DHRSX: variants seen among roughly 807,000 people sequenced by gnomAD.
DHRSX encodes polyprenol dehydrogenase.
A neutral mutation model predicts 34.0 loss-of-function variants in DHRSX; 31 were observed. The ratio of observed to expected loss-of-function variants is 0.91; its 90% CI spans 0.69 to 1.23. DHRSX has a LOEUF of 1.23. Ranked by LOEUF, DHRSX falls within the 50% of genes most tolerant of loss-of-function variation. The probability of loss-of-function intolerance (pLI) is 0.00; values close to 1 mark genes in which losing one functional copy is unlikely to be tolerated. For missense variants in DHRSX, 414 were observed against 428.1 expected (o/e 0.97, Z 0.29); for synonymous variants, 201 against 183.8 (o/e 1.09, Z -0.76).
At chrX:2,410,284 AG>A (rs1319207925) in intron 2 of DHRSX, among the ~76,000 whole-genome samples, 1 of 152,022 alleles carries the variant, frequency 6.6e-6, no homozygotes, top group Non-Finnish European at 1.5e-5. Context: ...CCTTTCAGGG[AG>A]GGTCACGGAA....
At chrX:2,421,035 A>G (rs1195291055) in intron 2 of DHRSX, among the ~76,000 whole-genome samples, 1 of 152,164 alleles carries the variant, frequency 6.6e-6, no homozygotes, top group Non-Finnish European at 1.5e-5. Flanking sequence ...CCTGAAGTGC[A>G]TCAGAGAAAG....
At chrX:2,489,157 G>A in intron 1 of DHRSX, 1 of 1,613,646 alleles carries the variant, frequency 6.2e-7, no homozygotes, top group South Asian at 1.1e-5. Flanking sequence ...CGGGCACCGG[G>A]AAGATCTTGT....
At chrX:2,254,259 A>T (rs2041245510) in intron 5 of DHRSX, among the ~76,000 whole-genome samples, 1 of 152,186 alleles carries the variant, frequency 6.6e-6, no homozygotes, top group African/African-American at 2.4e-5. Flanking sequence ...CTGAGTTTTT[A>T]TGTTAACTTC....
intron 3 of DHRSX, among the ~76,000 whole-genome samples, chrX:2,341,077 C>T (rs1399231890): frequency 2.6e-5 from 4 of 152,020 alleles, no homozygotes; most frequent in Non-Finnish European, 5.9e-5. Context: ...CTCCAGTTTG[C>T]GATCCTGGGA....
chrX:2,284,404 T>TTGAATGAATGAATGAA (rs750399883), intron 4 of DHRSX, among the ~76,000 whole-genome samples: 1 of 151,182 alleles, frequency 6.6e-6, no homozygotes, highest in East Asian at 1.9e-4. Context: ...ATGAATGAAT[T>TTGAATGAATGAATGAA]TGAATGAATG....
Position 2,243,034 on chromosome X carries a change from AC to A in DHRSX, c.792del (p.Trp264CysfsTer59), listed in dbSNP as rs2016177020. The A allele has an allele frequency of 2.5e-6, 4 of 1,613,338 alleles. No individual in the cohort carries two copies. Among genetic ancestry groups the A allele is most frequent in the East Asian group, 2.2e-5 (1 of 44,884 alleles). On this transcript the variant is annotated frameshift_variant, in exon 6 of 7. Transcript: ENST00000334651. LOFTEE classifies it high-confidence loss of function. ...ATRLAKKLLG[W>X]LLFKTPDEGA... ...CAGAAGGGGCTTACCTTGAAAAGCA[AC>A]CAGCCGAGAAGCTTCTTCGCCAGAC...
chrX:2,428,159 T>C (rs1458471939), intron 1 of DHRSX, among the ~76,000 whole-genome samples: 2 of 152,192 alleles, frequency 1.3e-5, no homozygotes, highest in East Asian at 3.8e-4. Flanking sequence ...GGCTACCATG[T>C]ACGTTATTTG....
At chrX:2,484,375 C>G (rs1046075585) in intron 1 of DHRSX, among the ~76,000 whole-genome samples, 10 of 152,124 alleles carry the variant, frequency 6.6e-5, no homozygotes, top group African/African-American at 2.4e-4. Flanking sequence ...TTAAAGTTGA[C>G]ACCATCAGGG....
chrX:2,378,148 C>A lies in DHRSX; in HGVS notation c.286+30597G>T, dbSNP rs1255613867. Reference sequence around the variant, plus strand: ...TAGTGACTGGAAGGTTGTATTTCCACCCGGATGTGTTGGCTTTCTGCTCCA... The same window carrying A: ...TAGTGACTGGAAGGTTGTATTTCCAACCGGATGTGTTGGCTTTCTGCTCCA... On this transcript the variant is annotated intron_variant, in intron 3 of 6. Coordinates refer to ENST00000334651, the MANE Select transcript of DHRSX (RefSeq NM_145177.3). Among the ~76,000 whole-genome samples, 5 of 152,358 alleles carry A rather than the reference C, an allele frequency of 3.3e-5. No individual in the cohort carries two copies. In the East Asian group the frequency reaches 9.6e-4, roughly 29 times the overall value.
At chrX:2,326,384 G>A (rs1433905150) in intron 3 of DHRSX, among the ~76,000 whole-genome samples, 5 of 152,122 alleles carry the variant, frequency 3.3e-5, no homozygotes, top group East Asian at 3.9e-4. Context: ...TTAGCCGGGC[G>A]TGGTGGCAGG....
chrX:2,257,256 C>T (rs2041292451), intron 5 of DHRSX, among the ~76,000 whole-genome samples: 1 of 152,116 alleles, frequency 6.6e-6, no homozygotes, highest in East Asian at 1.9e-4. Flanking sequence ...GCCCGGCCCA[C>T]TCACCATATA....
intron 1 of DHRSX, among the ~76,000 whole-genome samples, chrX:2,483,971 TGC>T (rs2124062211): frequency 6.6e-6 from 1 of 152,260 alleles, no homozygotes; most frequent in South Asian, 2.1e-4. Context: ...TAAAATTTAG[TGC>T]CCACGAAGTG....
At chrX:2,304,421 CA>C (rs2042076488) in intron 3 of DHRSX, among the ~76,000 whole-genome samples, 1 of 152,008 alleles carries the variant, frequency 6.6e-6, no homozygotes, top group Non-Finnish European at 1.5e-5. Context: ...TGTCCTCATT[CA>C]AATCTCAAGT....
chrX:2,358,739 T>C (rs1013505456), intron 3 of DHRSX, among the ~76,000 whole-genome samples: 3 of 152,104 alleles, frequency 2.0e-5, no homozygotes, highest in African/African-American at 7.2e-5. Context: ...AGTTAGTAAA[T>C]GGCGAATTTA....
chrX:2,270,426 C>G (rs948966654), intron 4 of DHRSX, among the ~76,000 whole-genome samples: 1 of 152,150 alleles, frequency 6.6e-6, no homozygotes. Context: ...GACTCCAGCT[C>G]CCGAAGAGAC....
intron 3 of DHRSX, among the ~76,000 whole-genome samples, chrX:2,344,131 G>A (rs1231233450): frequency 2.6e-5 from 4 of 152,190 alleles, no homozygotes; most frequent in Non-Finnish European, 5.9e-5. Context: ...CCACTCATGA[G>A]AGCGGGCTCC....
intron 1 of DHRSX, 109 bp downstream of exon 1, chrX:2,500,708 A>C: frequency 2.1e-5 from 3 of 141,258 alleles, no homozygotes; most frequent in Non-Finnish European, 3.5e-5. Context: ...CACTTCCGGG[A>C]GCGCCACCGC....
chrX:2,294,819 GGAGA>G (rs774213565), intron 3 of DHRSX, among the ~76,000 whole-genome samples: 2,440 of 150,728 alleles, frequency 0.016, 33 homozygotes, highest in Middle Eastern at 0.031. Context: ...AAAAAGAGAG[GGAGA>G]GAGAGAGGGA....
At chrX:2,235,885 G>C (rs958330536) in intron 6 of DHRSX, among the ~76,000 whole-genome samples, 2 of 148,704 alleles carry the variant, frequency 1.3e-5, no homozygotes, top group African/African-American at 4.9e-5. Context: ...AGACCGAGGC[G>C]GGCGGATCAC....
Sources: gnomAD v4.1 joint callset for allele counts (sites outside exome capture counted in the v4.1 genomes callset) on GRCh38, gnomAD v4.1.1 for gene constraint, MANE v1.5 for transcripts, NCBI Gene and HGNC (gene_info 2026-07-23, HGNC 2026-07-21) for gene names.